Variants in BNC1 observed in about 807,000 individuals in gnomAD.
BNC1 encodes the protein basonuclin zinc finger protein 1.
In BNC1, 8 loss-of-function variants were observed where a neutral mutation model predicts 66.5. The observed-to-expected ratio is 0.12, with a 90% CI of 0.07 to 0.22. The LOEUF is 0.22. BNC1 is among the 10% of genes least tolerant of loss of function. BNC1 has a pLI of 1.00. For synonymous variants in BNC1, 454 were observed against 452.6 expected, an observed-to-expected ratio of 1.00 and a Z score of -0.04; for missense variants, 1,069 against 1,241.3, an observed-to-expected ratio of 0.86 and a Z score of 2.09.
intron 1 of BNC1, among the ~76,000 whole-genome samples, chr15:83,281,118 C>T (rs570650401): frequency 6.6e-6 from 1 of 152,262 alleles, no homozygotes; most frequent in Admixed American, 6.5e-5. Flanking sequence ...TCTGTTTATA[C>T]CCACCCTCTT....
In BNC1 at chr15:83,255,959, C is replaced by A. The variant is rs2038068993; in HGVS notation, c.*1483G>T. The stretch of plus-strand genomic sequence containing the variant: ...AAACATTTGTATACAAATCTTTTCA[C>A]TTTGGGAAGACTGGAATATTAAACA... On this transcript the variant is annotated 3_prime_UTR_variant, in exon 5 of 5. Transcript: ENST00000345382. 1 of 152,590 alleles carries A rather than the reference C, an allele frequency of 6.6e-6. No homozygotes were observed. The highest frequency in any genetic ancestry group is 6.5e-5 in the Admixed American group (1 of 15,282). 9.5% of individuals were successfully genotyped at this position (152,590 alleles called of 1,614,324 possible). A position where few individuals can be genotyped will look rare whatever the true frequency, so the allele number is the denominator to read the frequency against.
intron 1 of BNC1, among the ~76,000 whole-genome samples, chr15:83,282,525 T>C (rs2038389605): frequency 6.6e-6 from 1 of 152,236 alleles, no homozygotes; most frequent in East Asian, 1.9e-4. Context: ...AAATTTTATT[T>C]TGACAAACTA....
chr15:83,260,758 T>C (rs1424888091), intron 4 of BNC1, among the ~76,000 whole-genome samples: 2 of 152,230 alleles, frequency 1.3e-5, no homozygotes, highest in African/African-American at 4.8e-5. Flanking sequence ...TTGGTAACTG[T>C]TGCTGGCAGT....
At chr15:83,262,008 C>T (rs1567191008) in intron 4 of BNC1, among the ~76,000 whole-genome samples, 3 of 150,558 alleles carry the variant, frequency 2.0e-5, no homozygotes, top group Middle Eastern at 3.5e-3. Context: ...TAGTTGTTTA[C>T]GCTTTACTCA....
intron 3 of BNC1, among the ~76,000 whole-genome samples, chr15:83,265,542 A>G (rs2038208553): frequency 6.6e-6 from 1 of 152,224 alleles, no homozygotes. Context: ...AATTGATTCC[A>G]TATTTTTAAT....
At chr15:83,260,893 C>A (rs988173982) in intron 4 of BNC1, among the ~76,000 whole-genome samples, 3 of 152,172 alleles carry the variant, frequency 2.0e-5, no homozygotes, top group Admixed American at 1.3e-4. Flanking sequence ...TAACTTAAAT[C>A]ATAGATTCTA....
At chr15:83,283,468 C>T (rs1416613690) in intron 1 of BNC1, 1 of 1,203,192 alleles carries the variant, frequency 8.3e-7, no homozygotes, top group Non-Finnish European at 1.0e-6. Flanking sequence ...GGGGCGCTCC[C>T]GAGACGGGCG....
chr15:83,271,418 T>C (rs1180284008), intron 1 of BNC1, among the ~76,000 whole-genome samples: 1 of 152,158 alleles, frequency 6.6e-6, no homozygotes, highest in Non-Finnish European at 1.5e-5. Flanking sequence ...GTACAGTAAA[T>C]AGCAACAGCA....
Position 83,284,595 on chromosome 15 carries a change from C to T in BNC1, c.34G>A (p.Gly12Arg). The T allele has an allele frequency of 2.9e-6, 3 of 1,026,540 alleles. No individual in the cohort carries two copies. Among genetic ancestry groups the T allele is most frequent in the Non-Finnish European group, 3.5e-6 (3 of 858,710 alleles). 63.6% of individuals were successfully genotyped at this position (1,026,540 alleles called of 1,614,324 possible). Residue 12 changes from glycine to arginine, a missense_variant, in exon 1 of 5, where the codon GGG becomes AGG. Around this residue, in one of 7 missense-constraint regions of BNC1, gnomAD observed 78 missense variants for 80.9 expected, o/e 0.96. Transcript: ENST00000345382. ...CGCGTCTCCCGGGCCCGGGCCGCCC[C>T]GCGTCCGCCCCGGCTCGGCGGGCGC... Reference protein sequence around the residue: ...RRRPPSRGGRGAARARETRRQ... With the variant: ...RRRPPSRGGRRAARARETRRQ...
Position 83,257,672 on chromosome 15 carries a change from G to A in BNC1, c.2755C>T (p.Leu919Phe). The change falls in exon 5 of 5, where the codon CTT (leucine) becomes TTT (phenylalanine). Residue 919 changes from leucine (L) to phenylalanine (F), a missense_variant. By Grantham distance (22) the Leu-to-Phe change is conservative. Around this residue, in one of 7 missense-constraint regions of BNC1, gnomAD observed 657 missense variants for 715.8 expected, o/e 0.92. Transcript: ENST00000345382. ...GGCAACCCAGAAGGCAGGCTAGCAAGGCTCTGGTCAGCCTTCTCCATCAGG... is the reference window on the plus strand; with the variant it reads ...GGCAACCCAGAAGGCAGGCTAGCAAAGCTCTGGTCAGCCTTCTCCATCAGG... ...CVLMEKADQS[L>F]ASLPSGLPIT... 2 of 1,614,164 alleles carry A rather than the reference G, an allele frequency of 1.2e-6. No individual in the cohort carries two copies. Among genetic ancestry groups the A allele is most frequent in the Non-Finnish European group, 1.7e-6 (2 of 1,180,026 alleles).
Position 83,264,476 on chromosome 15 carries a change from A to T in BNC1, c.775T>A (p.Ser259Thr), listed in dbSNP as rs1188501262. 16 of 1,614,116 alleles carry T rather than the reference A, an allele frequency of 9.9e-6. No individual in the cohort carries two copies. Among genetic ancestry groups the T allele is most frequent in the Non-Finnish European group, 1.4e-5 (16 of 1,180,036 alleles). The part of the protein sequence containing the change: ...FNPLPPALIG[S>T]LPEQYMLEQG... Reference sequence around the variant, plus strand: ...TCCAACATATATTGTTCGGGCAATGACCCTATCAGTGCAGGAGGCAGAGGG... The same window carrying T: ...TCCAACATATATTGTTCGGGCAATGTCCCTATCAGTGCAGGAGGCAGAGGG... Residue 259 changes from serine to threonine, a missense_variant, in exon 4 of 5, where the codon TCA becomes ACA. Physicochemically the swap from Ser to Thr is moderately conservative, Grantham distance 58. Transcript: ENST00000345382.
chr15:83,257,788 C>A lies in BNC1; in HGVS notation c.2639G>T (p.Ser880Ile). ...CTCCATAAGCACAGTGCCTTCCTCA[C>A]TCACCCCGTCAGAGTCCCAGGAAGA... ...SHSSWDSDGV[S>I]EEGTVLMEDS... The change falls in exon 5 of 5, where the codon AGT becomes ATT. Residue 880 changes from serine to isoleucine, a missense_variant. Ser to Ile is a moderately radical substitution (Grantham distance 142, BLOSUM62 -2). Transcript: ENST00000345382. The A allele has an allele frequency of 6.2e-7, 1 of 1,614,174 alleles. No individual in the cohort carries two copies. The highest frequency in any genetic ancestry group is 2.2e-5 in the East Asian group (1 of 44,876).
At chr15:83,261,702 A>C (rs2038142805) in intron 4 of BNC1, among the ~76,000 whole-genome samples, 1 of 152,212 alleles carries the variant, frequency 6.6e-6, no homozygotes, top group South Asian at 2.1e-4. Flanking sequence ...GATATGCTCT[A>C]TAGCGGGGGA....
chr15:83,283,059 T>C, intron 1 of BNC1: 1 of 1,369,098 alleles, frequency 7.3e-7, no homozygotes, highest in South Asian at 1.3e-5. Flanking sequence ...CCCCCGAGCG[T>C]CTGATGCCCC....
Position 83,264,613 on chromosome 15 carries a change from T to C in BNC1, c.638A>G (p.His213Arg), listed in dbSNP as rs760361519. 2 of 1,614,172 alleles carry C rather than the reference T, an allele frequency of 1.2e-6. No individual in the cohort carries two copies. Among genetic ancestry groups the C allele is most frequent in the South Asian group, 2.2e-5 (2 of 91,066 alleles). ...AGGAGTGGGGAGGCTAGAACTCCTG[T>C]GACTGCAGCTCTCGATGAAAGCCCT... is the stretch of plus-strand genomic sequence containing the variant. ...DIRAFIESCS[H>R]RSSSLPTPVD... Residue 213 changes from histidine to arginine, a missense_variant, in exon 4 of 5, where the codon CAC becomes CGC. Transcript: ENST00000345382.
At chr15:83,265,374 C>T (rs999557194) in intron 3 of BNC1, among the ~76,000 whole-genome samples, 1 of 152,162 alleles carries the variant, frequency 6.6e-6, no homozygotes, top group African/African-American at 2.4e-5. Context: ...ATCTTTCAAA[C>T]TCTAGCAAGG....
chr15:83,283,151 G>A (rs955238186), intron 1 of BNC1: 37 of 1,535,638 alleles, frequency 2.4e-5, no homozygotes, highest in Non-Finnish European at 3.2e-5. Flanking sequence ...ACTCGGAGCG[G>A]TGGCAGCCCC....
rs760137127 is a variant in BNC1, at chr15:83,262,978, G to A, written c.2273C>T (p.Thr758Ile). The A allele has an allele frequency of 1.9e-6, 3 of 1,611,138 alleles. No individual in the cohort carries two copies. The highest frequency in any genetic ancestry group is 2.5e-6 in the Non-Finnish European group (3 of 1,178,042). Residue 758 changes from threonine to isoleucine, a missense_variant, in exon 4 of 5, where the codon ACC becomes ATC. By Grantham distance (89) the Thr-to-Ile change is moderately conservative. Transcript: ENST00000345382. ...GTCTCTGCTCCTGCGGGAGGGAAAG[G>A]TAGCATTACAGCCCTCCACTGTGCA... is the stretch of plus-strand genomic sequence containing the variant. Reference protein sequence around the residue: ...HTCTVEGCNATFPSRRSRDRH... With the variant: ...HTCTVEGCNAIFPSRRSRDRH...
rs948832981 is a variant in BNC1, at chr15:83,257,360, T to C, written c.*82A>G. 5.3e-5 allele frequency: 76 copies of C among 1,438,104 alleles called. 1 individual carries two copies. The East Asian group carries it at 1.5e-3, about 28-fold the overall frequency. 89.1% of individuals were successfully genotyped at this position (1,438,104 alleles called of 1,614,324 possible). A position where few individuals can be genotyped will look rare whatever the true frequency, so the allele number is the denominator to read the frequency against. On this transcript the variant is annotated 3_prime_UTR_variant, in exon 5 of 5. Transcript: ENST00000345382. ...TTTGCCTGACTCGCCCCAAATGATATGAAACAGAAACATTTCTATGGACTA... is the reference window on the plus strand; with the variant it reads ...TTTGCCTGACTCGCCCCAAATGATACGAAACAGAAACATTTCTATGGACTA...
Sources: allele counts gnomAD v4.1 joint callset (sites outside exome capture counted in the v4.1 genomes callset), GRCh38; gene constraint gnomAD v4.1.1; regional missense constraint gnomAD v4.1.1; transcripts MANE v1.5; gene names NCBI Gene and HGNC (gene_info 2026-07-23, HGNC 2026-07-21).